FNDC3A: variants seen among roughly 807,000 people sequenced by gnomAD.
The protein encoded by FNDC3A is fibronectin type III domain containing 3A.
FNDC3A carries 32 observed loss-of-function variants against 148.9 expected under a neutral mutation model. The observed-to-expected ratio is 0.21, with a 90% confidence interval of 0.16 to 0.29. The LOEUF (loss-of-function observed/expected upper bound fraction) is 0.29. FNDC3A is among the 10% of genes least tolerant of loss of function. The pLI is 1.00. For synonymous variants in FNDC3A, 472 were observed against 473.6 expected (o/e 1.00, Z 0.04); for missense variants, 1,191 against 1,452.8 (o/e 0.82, Z 2.93).
rs545057168 is a variant in FNDC3A at position 49,207,246 on chromosome 13, C to T, written c.3448C>T (p.Pro1150Ser). The T allele has an allele frequency of 1.6e-5, 26 of 1,614,220 alleles. 1 individual carries two copies. The African/African-American group carries it at 1.7e-4, about 11-fold the overall frequency. ...GCTCTTCATCTCTCAGAGGACTGAA[C>T]CACCAGCCAGCACCAACAGAGACAC... ...TVLFISQRTE[P>S]PASTNRDTVE... is the part of the protein sequence containing the mutation. The change falls in exon 26 of 26, where the codon CCA becomes TCA. Residue 1150 changes from proline to serine, a missense_variant. Around this residue, in one of 3 missense-constraint regions of FNDC3A, gnomAD observed 751 missense variants for 944.0 expected, o/e 0.80. Coordinates refer to ENST00000492622, the MANE Select transcript of FNDC3A (RefSeq NM_001079673.2).
intron 8 of FNDC3A, among the ~76,000 whole-genome samples, chr13:49,159,561 C>T (rs892419713): frequency 4.6e-5 from 7 of 152,204 alleles, no homozygotes; most frequent in Non-Finnish European, 7.3e-5. Context: ...ATGTCATCTG[C>T]AGACAGGGAC....
intron 7 of FNDC3A, among the ~76,000 whole-genome samples, chr13:49,141,294 C>A (rs185410084): frequency 5.4e-4 from 82 of 152,334 alleles, no homozygotes; most frequent in African/African-American, 1.6e-3. Flanking sequence ...AGTCTCATTT[C>A]TGTGAAAATC....
At chr13:49,008,498 A>G (rs996094138) in intron 2 of FNDC3A, among the ~76,000 whole-genome samples, 1 of 152,150 alleles carries the variant, frequency 6.6e-6, no homozygotes, top group Non-Finnish European at 1.5e-5. Flanking sequence ...TCAAGACGAC[A>G]TATTTTGTCC....
At chr13:49,137,542 A>G (rs1313235391) in intron 6 of FNDC3A, among the ~76,000 whole-genome samples, 1 of 152,050 alleles carries the variant, frequency 6.6e-6, no homozygotes, top group Non-Finnish European at 1.5e-5. Context: ...ACAGGGTTTC[A>G]CCATCTTGGC....
intron 2 of FNDC3A, among the ~76,000 whole-genome samples, chr13:49,067,554 C>G (rs551523237): frequency 6.6e-6 from 1 of 152,158 alleles, no homozygotes; most frequent in Non-Finnish European, 1.5e-5. Context: ...ATTATTGGAA[C>G]GCTAAGCTTG....
At chr13:49,131,937 G>A (rs1237347157) in intron 5 of FNDC3A, among the ~76,000 whole-genome samples, 2 of 152,068 alleles carry the variant, frequency 1.3e-5, no homozygotes, top group African/African-American at 2.4e-5. Context: ...CTGCCTTCTC[G>A]ATAACTTCAC....
chr13:49,141,025 A>C (rs933495245), intron 7 of FNDC3A, among the ~76,000 whole-genome samples: 5 of 152,192 alleles, frequency 3.3e-5, no homozygotes, highest in Non-Finnish European at 7.3e-5. Context: ...GGAACAACAA[A>C]AAAAAAGGAA....
chr13:49,152,864 C>G (rs1883402762), intron 8 of FNDC3A, among the ~76,000 whole-genome samples: 1 of 151,080 alleles, frequency 6.6e-6, no homozygotes, highest in African/African-American at 2.4e-5. Context: ...TTTTTTATGG[C>G]TGCATAGTAT....
intron 3 of FNDC3A, chr13:49,110,373 G>T: frequency 1.2e-6 from 2 of 1,610,600 alleles, no homozygotes; most frequent in Non-Finnish European, 1.7e-6. Context: ...GGATTTTCTT[G>T]TTCTCTGCTG....
intron 8 of FNDC3A, among the ~76,000 whole-genome samples, chr13:49,161,769 T>G (rs1884139791): frequency 6.6e-6 from 1 of 152,236 alleles, no homozygotes; most frequent in Admixed American, 6.5e-5. Context: ...TGTTTAGTGC[T>G]TCCTTCAGGA....
chr13:49,033,329 G>A (rs913368024), intron 2 of FNDC3A, among the ~76,000 whole-genome samples: 8 of 152,080 alleles, frequency 5.3e-5, no homozygotes, highest in Admixed American at 2.0e-4. Context: ...TAAGCCTACC[G>A]TACATTGGAT....
At chr13:49,016,021 A>G (rs1310960161) in intron 2 of FNDC3A, among the ~76,000 whole-genome samples, 1 of 151,744 alleles carries the variant, frequency 6.6e-6, no homozygotes, top group African/African-American at 2.4e-5. Flanking sequence ...TTTATTGAGG[A>G]TTTTTGCATC....
At chr13:49,102,800 C>A (rs1221396952) in intron 3 of FNDC3A, among the ~76,000 whole-genome samples, 2 of 152,114 alleles carry the variant, frequency 1.3e-5, no homozygotes, top group Non-Finnish European at 2.9e-5. Context: ...TTTTTCCATT[C>A]TTGTTTAATT....
intron 1 of FNDC3A, among the ~76,000 whole-genome samples, chr13:48,978,300 C>A (rs1951638529): frequency 6.6e-6 from 1 of 152,028 alleles, no homozygotes; most frequent in Non-Finnish European, 1.5e-5. Flanking sequence ...ATCCTTAACC[C>A]CCCGAAAAAA....
chr13:49,203,049 A>G (rs974987310), intron 24 of FNDC3A, 108 bp from the exon 25 acceptor site: 22 of 771,758 alleles, frequency 2.9e-5, no homozygotes, highest in Middle Eastern at 6.7e-4. Flanking sequence ...TTTCAAGTTT[A>G]TAAGTGGATT....
rs751530567 is a variant in FNDC3A at position 49,170,162 on chromosome 13, A to G, written c.1176+1411A>G. 2.9e-4 allele frequency among the ~76,000 whole-genome samples: 44 copies of G among 152,286 alleles called. 1 individual carries two copies. Among genetic ancestry groups the G allele is most frequent in the Middle Eastern group, 6.8e-3 (2 of 294 alleles). Reference sequence around the variant, plus strand: ...TGAACCCTTCTAGAAATGACCCTATATACACACACAGTAATCAACATGGTT... The same window carrying G: ...TGAACCCTTCTAGAAATGACCCTATGTACACACACAGTAATCAACATGGTT... On this transcript the variant is annotated intron_variant, in intron 10 of 25. Coordinates refer to ENST00000492622, the MANE Select transcript of FNDC3A (RefSeq NM_001079673.2).
chr13:49,055,435 T>G (rs3012126), intron 2 of FNDC3A, among the ~76,000 whole-genome samples: 151,631 of 152,140 alleles, frequency 1, 75,565 homozygotes, highest in Middle Eastern at 1. Context: ...GGGAGGGTAA[T>G]ACATGCCTTA....
At chr13:49,011,542 T>C (rs1952346255) in intron 2 of FNDC3A, among the ~76,000 whole-genome samples, 1 of 152,198 alleles carries the variant, frequency 6.6e-6, no homozygotes, top group African/African-American at 2.4e-5. Flanking sequence ...GCATCTTTGG[T>C]ATCTTTTGAT....
At chr13:49,028,741 A>G (rs1203930479) in intron 2 of FNDC3A, among the ~76,000 whole-genome samples, 3 of 152,240 alleles carry the variant, frequency 2.0e-5, no homozygotes, top group Non-Finnish European at 4.4e-5. Flanking sequence ...AATATCTGAA[A>G]TAATGATTGA....
Sources: allele counts gnomAD v4.1 joint callset (sites outside exome capture counted in the v4.1 genomes callset), GRCh38; gene constraint gnomAD v4.1.1; regional missense constraint gnomAD v4.1.1; transcripts MANE v1.5; gene names NCBI Gene and HGNC (gene_info 2026-07-23, HGNC 2026-07-21).